Variants in NRG3 observed in about 807,000 individuals in gnomAD.
The protein encoded by NRG3 is pro-neuregulin-3, membrane-bound isoform.
A neutral mutation model predicts 66.9 loss-of-function variants in NRG3; 31 were observed. That is an observed-to-expected ratio of 0.46 (90% confidence interval 0.35 to 0.63). The LOEUF (loss-of-function observed/expected upper bound fraction) is 0.63, where lower values mean the gene tolerates loss of function less well. Ranked by LOEUF, NRG3 falls within the 20% of genes least tolerant of loss-of-function variation. NRG3 has a pLI of 0.00. For missense variants in NRG3, 910 were observed against 878.9 expected (o/e 1.04, Z -0.45); for synonymous variants, 393 against 359.4 (o/e 1.09, Z -1.06).
At chr10:82,726,320 T>A (rs1481462270) in intron 2 of NRG3, among the ~76,000 whole-genome samples, 1 of 152,150 alleles carries the variant, frequency 6.6e-6, no homozygotes, top group Non-Finnish European at 1.5e-5. Flanking sequence ...TTAGATATGG[T>A]ATGGCTGTGT....
intron 1 of NRG3, among the ~76,000 whole-genome samples, chr10:82,245,244 G>A (rs2077184165): frequency 6.6e-6 from 1 of 152,150 alleles, no homozygotes; most frequent in South Asian, 2.1e-4. Context: ...TCCCTCGCAT[G>A]TGTAGTTCAC....
At chr10:82,308,601 T>A in intron 1 of NRG3, among the ~76,000 whole-genome samples, 1 of 152,164 alleles carries the variant, frequency 6.6e-6, no homozygotes, top group Admixed American at 6.5e-5. Context: ...ACCAGAAAAA[T>A]TATAGGGAAA....
At chr10:82,762,479 GAC>G (rs1183723714) in intron 3 of NRG3, among the ~76,000 whole-genome samples, 3 of 152,002 alleles carry the variant, frequency 2.0e-5, no homozygotes, top group African/African-American at 7.3e-5. Flanking sequence ...CATTGAATAA[GAC>G]ACACAAATGA....
intron 1 of NRG3, among the ~76,000 whole-genome samples, chr10:82,171,615 A>G (rs1246783957): frequency 6.6e-6 from 1 of 152,154 alleles, no homozygotes; most frequent in African/African-American, 2.4e-5. Flanking sequence ...AAATAGAACT[A>G]CATATTTCTT....
At chr10:82,151,323 ATGT>A (rs1256520112) in intron 1 of NRG3, among the ~76,000 whole-genome samples, 1 of 152,212 alleles carries the variant, frequency 6.6e-6, no homozygotes, top group Non-Finnish European at 1.5e-5. Flanking sequence ...ATGATTGGAA[ATGT>A]TGTTTTACTT....
chr10:82,635,943 A>G (rs1163868409), intron 2 of NRG3, among the ~76,000 whole-genome samples: 2 of 152,078 alleles, frequency 1.3e-5, no homozygotes, highest in African/African-American at 2.4e-5. Flanking sequence ...TGAAGTGGGT[A>G]TGGGGGTGTC....
intron 1 of NRG3, among the ~76,000 whole-genome samples, chr10:81,880,362 C>A (rs971283853): frequency 2.0e-5 from 3 of 151,882 alleles, no homozygotes; most frequent in African/African-American, 7.3e-5. Context: ...GTGAATCCAG[C>A]TACAGTTATA....
chr10:82,449,686 C>T (rs1225692208), intron 2 of NRG3, among the ~76,000 whole-genome samples: 3 of 152,154 alleles, frequency 2.0e-5, no homozygotes, highest in Admixed American at 6.5e-5. Flanking sequence ...CACATCAGGA[C>T]CTCCTCACAT....
At chr10:82,543,526 CTT>C (rs1055245328) in intron 2 of NRG3, among the ~76,000 whole-genome samples, 2 of 152,024 alleles carry the variant, frequency 1.3e-5, no homozygotes, top group Admixed American at 6.6e-5. Context: ...AAATCAGAAA[CTT>C]TTTTTGAACT....
At chr10:81,906,651 G>T (rs1844632073) in intron 1 of NRG3, among the ~76,000 whole-genome samples, 1 of 152,138 alleles carries the variant, frequency 6.6e-6, no homozygotes. Flanking sequence ...CCAGGGTGGG[G>T]TTACAATAAG....
At chr10:82,852,559 C>T (rs1467791079) in intron 3 of NRG3, among the ~76,000 whole-genome samples, 1 of 151,932 alleles carries the variant, frequency 6.6e-6, no homozygotes, top group Non-Finnish European at 1.5e-5. Context: ...CTATAAAATA[C>T]CATCACTAGC....
intron 2 of NRG3, among the ~76,000 whole-genome samples, chr10:82,646,981 T>C (rs1004413607): frequency 2.6e-5 from 4 of 151,970 alleles, no homozygotes; most frequent in Middle Eastern, 3.4e-3. Context: ...TACTTCACCT[T>C]TATTTTTTTA....
At chr10:82,330,686 G>A (rs1009266467) in intron 1 of NRG3, among the ~76,000 whole-genome samples, 2 of 152,228 alleles carry the variant, frequency 1.3e-5, no homozygotes, top group South Asian at 2.1e-4. Context: ...TTTCCATACT[G>A]TTTCCTACCT....
chr10:81,929,491 T>C (rs891311009), intron 1 of NRG3, among the ~76,000 whole-genome samples: 1 of 152,216 alleles, frequency 6.6e-6, no homozygotes, highest in Non-Finnish European at 1.5e-5. Context: ...ATGGTGTAGC[T>C]GGGCTATGGA....
At chr10:81,876,641 T>C (rs1175610178) in intron 1 of NRG3, among the ~76,000 whole-genome samples, 4 of 152,182 alleles carry the variant, frequency 2.6e-5, no homozygotes, top group East Asian at 1.9e-4. Context: ...AAGGAAGTTA[T>C]GTCCTTGTGT....
intron 2 of NRG3, among the ~76,000 whole-genome samples, chr10:82,690,678 G>C (rs372622376): frequency 2.2e-4 from 33 of 152,202 alleles, no homozygotes; most frequent in Middle Eastern, 6.8e-3. Flanking sequence ...GACTAAACCT[G>C]CTCTCCCAAT....
intron 2 of NRG3, among the ~76,000 whole-genome samples, chr10:82,495,597 C>T (rs2132291648): frequency 6.6e-6 from 1 of 152,208 alleles, no homozygotes; most frequent in African/African-American, 2.4e-5. Context: ...TAGCAGACAA[C>T]ATAGACTTTG....
intron 3 of NRG3, among the ~76,000 whole-genome samples, chr10:82,851,613 T>G (rs944445376): frequency 3.3e-5 from 5 of 152,170 alleles, no homozygotes; most frequent in Admixed American, 2.0e-4. Flanking sequence ...TATTTTTCTC[T>G]CTCTCTTTTT....
At chr10:82,380,653 A>C (rs1369422328) in intron 2 of NRG3, among the ~76,000 whole-genome samples, 1 of 152,324 alleles carries the variant, frequency 6.6e-6, no homozygotes, top group African/African-American at 2.4e-5. Flanking sequence ...CACTGAAACA[A>C]ATTATCTTCA....
Sources: gnomAD v4.1 joint callset for allele counts (sites outside exome capture counted in the v4.1 genomes callset) on GRCh38, gnomAD v4.1.1 for gene constraint, MANE v1.5 for transcripts, NCBI Gene and HGNC (gene_info 2026-07-23, HGNC 2026-07-21) for gene names.